Variants in SLC35F1 observed in about 807,000 individuals in gnomAD.
The protein encoded by SLC35F1 is solute carrier family 35 member F1, also known as chromosome 6 open reading frame 169.
Under a neutral mutation model 48.7 loss-of-function variants are expected in SLC35F1, and 14 were observed. The ratio of observed to expected loss-of-function variants is 0.29; its 90% CI spans 0.19 to 0.45. SLC35F1 has a LOEUF of 0.45. Among genes scored for constraint, SLC35F1 ranks in the 20% least tolerant of loss-of-function variants. SLC35F1 has a pLI of 1.00. For synonymous variants in SLC35F1, 190 were observed against 202.2 expected, an observed-to-expected ratio of 0.94 and a Z score of 0.51; for missense variants, 404 against 500.0, an observed-to-expected ratio of 0.81 and a Z score of 1.83.
chr6:118,201,871 G>A (rs1774877611), intron 2 of SLC35F1, among the ~76,000 whole-genome samples: 1 of 152,110 alleles, frequency 6.6e-6, no homozygotes, highest in Admixed American at 6.5e-5. Flanking sequence ...ATAATATGTG[G>A]TTTTCATGAA....
At chr6:118,011,703 A>G (rs1777249314) in intron 1 of SLC35F1, among the ~76,000 whole-genome samples, 1 of 151,964 alleles carries the variant, frequency 6.6e-6, no homozygotes, top group South Asian at 2.1e-4. Flanking sequence ...CTCACCCACC[A>G]CTCACCTCCT....
intron 2 of SLC35F1, among the ~76,000 whole-genome samples, chr6:118,173,203 C>A (rs1392196724): frequency 6.6e-6 from 1 of 151,890 alleles, no homozygotes; most frequent in Non-Finnish European, 1.5e-5. Flanking sequence ...ATTCTATCAA[C>A]AAAAACAAGC....
At chr6:118,039,876 A>G (rs1325697052) in intron 1 of SLC35F1, among the ~76,000 whole-genome samples, 2 of 145,708 alleles carry the variant, frequency 1.4e-5, no homozygotes, top group South Asian at 2.2e-4. Flanking sequence ...TGGACACTAA[A>G]TGTTATGTTA....
chr6:117,923,643 G>GTACATATACACATA (rs1562238603), intron 1 of SLC35F1, among the ~76,000 whole-genome samples: 1 of 58,738 alleles, frequency 1.7e-5, no homozygotes, highest in Non-Finnish European at 3.8e-5. Context: ...ATGTACATAT[G>GTACATATACACATA]TACATATGTA....
intron 1 of SLC35F1, among the ~76,000 whole-genome samples, chr6:118,118,368 G>C (rs1267078089): frequency 1.3e-5 from 2 of 152,058 alleles, no homozygotes; most frequent in African/African-American, 4.8e-5. Context: ...ATTTATCATA[G>C]AGTGATAAAC....
In SLC35F1 at chr6:117,929,453, ATGTG is replaced by A. The variant is rs143634465; in HGVS notation, c.173+21586_173+21589del. On this transcript the variant is annotated intron_variant, in intron 1 of 7. Coordinates refer to ENST00000360388, the MANE Select transcript of SLC35F1 (RefSeq NM_001029858.4). ...CATTTGTATATATGTGTATGTATTT[ATGTG>A]TGTGTGTGTGTGTGTGTGTGTGTGT... 5.5e-3 allele frequency among the ~76,000 whole-genome samples: 809 copies of A among 146,070 alleles called. 6 individuals carry two copies. The highest frequency in any genetic ancestry group is 0.016 in the African/African-American group (620 of 39,696).
rs1198950909 is a variant in SLC35F1, at chr6:118,287,806, G to A, written c.1002+2468G>A. On this transcript the variant is annotated intron_variant, in intron 7 of 7. Coordinates refer to ENST00000360388, the MANE Select transcript of SLC35F1 (RefSeq NM_001029858.4). ...CATCAGGAAATGAGAGGGCTGATAC[G>A]CTAATTCTCGGCAATCTATCCTCTC... Among the ~76,000 whole-genome samples, 4 of 152,110 alleles carry A rather than the reference G, an allele frequency of 2.6e-5. 1 individual carries two copies. Among genetic ancestry groups the A allele is most frequent in the South Asian group, 4.1e-4 (2 of 4,820 alleles).
At chr6:117,952,537 G>T (rs2114828482) in intron 1 of SLC35F1, among the ~76,000 whole-genome samples, 1 of 152,142 alleles carries the variant, frequency 6.6e-6, no homozygotes, top group South Asian at 2.1e-4. Context: ...TGTTCCTCTT[G>T]CCTTGGCTGG....
chr6:118,286,154 C>T (rs1776046505), intron 7 of SLC35F1, among the ~76,000 whole-genome samples: 1 of 152,116 alleles, frequency 6.6e-6, no homozygotes. Flanking sequence ...GTGAAACAGA[C>T]CAAATATGGA....
intron 1 of SLC35F1, among the ~76,000 whole-genome samples, chr6:118,088,218 T>A (rs911925142): frequency 6.6e-6 from 1 of 152,250 alleles, no homozygotes; most frequent in African/African-American, 2.4e-5. Context: ...TAGCACTAAT[T>A]TCACATTTAT....
intron 1 of SLC35F1, among the ~76,000 whole-genome samples, chr6:117,916,633 T>A (rs1775829467): frequency 6.6e-6 from 1 of 152,234 alleles, no homozygotes; most frequent in South Asian, 2.1e-4. Flanking sequence ...AGGGATGCCC[T>A]GGAATGTGAG....
intron 2 of SLC35F1, among the ~76,000 whole-genome samples, chr6:118,230,112 T>C (rs1286422434): frequency 2.6e-5 from 4 of 152,066 alleles, no homozygotes; most frequent in South Asian, 4.1e-4. Context: ...GAGGCCATGG[T>C]GGGCCGATCA....
At chr6:118,213,547 T>A (rs1775035036) in intron 2 of SLC35F1, among the ~76,000 whole-genome samples, 1 of 152,148 alleles carries the variant, frequency 6.6e-6, no homozygotes, top group African/African-American at 2.4e-5. Context: ...TTGTTTATAA[T>A]AGCAAAAATT....
intron 1 of SLC35F1, among the ~76,000 whole-genome samples, chr6:118,118,263 T>C (rs1210909187): frequency 6.6e-6 from 1 of 152,162 alleles, no homozygotes; most frequent in Non-Finnish European, 1.5e-5. Flanking sequence ...TTAGCCATTC[T>C]AGTGGGGATA....
At chr6:118,262,938 TA>T (rs953327150) in intron 3 of SLC35F1, among the ~76,000 whole-genome samples, 1 of 151,486 alleles carries the variant, frequency 6.6e-6, no homozygotes, top group Non-Finnish European at 1.5e-5. Flanking sequence ...AAAATGAATT[TA>T]AAAAAAAACT....
chr6:118,277,864 C>G (rs1775936583), intron 6 of SLC35F1, among the ~76,000 whole-genome samples: 4 of 151,666 alleles, frequency 2.6e-5, no homozygotes, highest in Admixed American at 2.6e-4. Flanking sequence ...ACATAAGTGA[C>G]AGCAATTTGC....
chr6:118,105,131 T>G (rs1209995092), intron 1 of SLC35F1, among the ~76,000 whole-genome samples: 2 of 152,212 alleles, frequency 1.3e-5, no homozygotes, highest in Non-Finnish European at 1.5e-5. Flanking sequence ...TCTGTTTGCT[T>G]GGTTGCATCT....
At chr6:118,274,194 C>A (rs576793976) in intron 4 of SLC35F1, among the ~76,000 whole-genome samples, 1 of 152,228 alleles carries the variant, frequency 6.6e-6, no homozygotes, top group East Asian at 1.9e-4. Flanking sequence ...CAGCTGAGCT[C>A]CTGCACTGCT....
chr6:117,922,967 AT>A (rs1775919356), intron 1 of SLC35F1, among the ~76,000 whole-genome samples: 2 of 152,164 alleles, frequency 1.3e-5, no homozygotes, highest in Admixed American at 6.5e-5. Context: ...CTTAGAGATC[AT>A]CTTTGCTATC....
Sources: gnomAD v4.1 joint callset for allele counts (sites outside exome capture counted in the v4.1 genomes callset) on GRCh38, gnomAD v4.1.1 for gene constraint, MANE v1.5 for transcripts, NCBI Gene and HGNC (gene_info 2026-07-23, HGNC 2026-07-21) for gene names.